HEATR5A: variants seen among roughly 807,000 people sequenced by gnomAD.
HEATR5A encodes the protein HEAT repeat containing 5A, also known as HEAT repeat-containing protein 5A.
A neutral mutation model predicts 218.8 loss-of-function variants in HEATR5A; 178 were observed. The ratio of observed to expected loss-of-function variants is 0.81; its 90% CI spans 0.72 to 0.92. The LOEUF (loss-of-function observed/expected upper bound fraction) is 0.92. Among genes scored for constraint, HEATR5A ranks in the 40% least tolerant of loss-of-function variants. The pLI, the probability that HEATR5A is intolerant of heterozygous loss-of-function variation, is 0.00. For missense variants in HEATR5A, 2,420 were observed against 2,418.9 expected (o/e 1.00, Z -0.01); for synonymous variants, 864 against 871.6 (o/e 0.99, Z 0.15).
intron 13 of HEATR5A, among the ~76,000 whole-genome samples, chr14:31,365,749 C>T (rs530493317): frequency 1.3e-5 from 2 of 151,972 alleles, no homozygotes; most frequent in Non-Finnish European, 2.9e-5. Flanking sequence ...ACTGCAGCCT[C>T]AATCTCCTGG....
chr14:31,323,721 G>A lies in HEATR5A; in HGVS notation c.3631C>T (p.Arg1211Cys), dbSNP rs377035891. The change falls in exon 24 of 36, where the codon CGT becomes TGT. Residue 1211 changes from arginine to cysteine, a missense_variant. Arg to Cys is a radical substitution (Grantham distance 180). Coordinates refer to ENST00000543095, the MANE Select transcript of HEATR5A (RefSeq NM_015473.4). Reference protein sequence around the residue: ...GDDASVLTTRRDEKSHPFTNP... With the variant: ...GDDASVLTTRCDEKSHPFTNP... ...GTAAAAGGATGGGATTTTTCATCACGTCTGGTGGTCAGGACTGAGGCATCA... is the reference window on the plus strand; with the variant it reads ...GTAAAAGGATGGGATTTTTCATCACATCTGGTGGTCAGGACTGAGGCATCA... 3.1e-5 allele frequency: 50 copies of A among 1,613,410 alleles called. No homozygotes were observed. The African/African-American group carries it at 3.7e-4, about 12-fold the overall frequency.
chr14:31,328,202 C>T lies in HEATR5A; in HGVS notation c.3368-1860G>A, dbSNP rs145809392. Reference sequence around the variant, plus strand: ...CTCCTGACCTCAGATCCACCCGCCTCAGCCTCCCAAAGTGTTGGGATTGTA... The same window carrying T: ...CTCCTGACCTCAGATCCACCCGCCTTAGCCTCCCAAAGTGTTGGGATTGTA... On this transcript the variant is annotated intron_variant, in intron 22 of 35. Coordinates refer to ENST00000543095, the MANE Select transcript of HEATR5A (RefSeq NM_015473.4). 4.0e-3 allele frequency among the ~76,000 whole-genome samples: 603 copies of T among 152,216 alleles called. 5 individuals carry two copies. Among genetic ancestry groups the T allele is most frequent in the African/African-American group, 0.014 (581 of 41,534 alleles).
In HEATR5A at chr14:31,293,627, A is replaced by AATAAT; in HGVS notation, c.5834-20_5834-16dup. 6.3e-7 allele frequency: 1 copy of AATAAT among 1,580,546 alleles called. No homozygotes were observed. The highest frequency in any genetic ancestry group is 8.6e-7 in the Non-Finnish European group (1 of 1,167,414). ...CAGCTGAGCGCCTAGAAAGTAAACAAATAATATAAGTTCAGTGACATAAAT... is the reference window on the plus strand; with the variant it reads ...CAGCTGAGCGCCTAGAAAGTAAACAAATAATATAATATAAGTTCAGTGACATAAAT... On this transcript the variant is annotated splice_polypyrimidine_tract_variant and intron_variant, in intron 35 of 35. Coordinates refer to ENST00000543095, the MANE Select transcript of HEATR5A (RefSeq NM_015473.4).
At chr14:31,385,127 AT>A (rs2030162079) in intron 9 of HEATR5A, among the ~76,000 whole-genome samples, 1 of 152,158 alleles carries the variant, frequency 6.6e-6, no homozygotes, top group South Asian at 2.1e-4. Flanking sequence ...GATAAAAGCC[AT>A]AATGATATAT....
At position 31,326,807 on chromosome 14, in the gene HEATR5A, T is replaced by C. The variant is rs143641555; in HGVS notation, c.3368-465A>G. On this transcript the variant is annotated intron_variant, in intron 22 of 35. Coordinates refer to ENST00000543095, the MANE Select transcript of HEATR5A (RefSeq NM_015473.4). ...ACAGGCACCCGCCACCACGCCCAGC[T>C]AATTTTTTTTTATTTTTAGTAGAGA... is the stretch of plus-strand genomic sequence containing the variant. 9.9e-3 allele frequency among the ~76,000 whole-genome samples: 1,499 copies of C among 151,922 alleles called. 18 individuals are homozygous for C. Among genetic ancestry groups the C allele is most frequent in the African/African-American group, 0.034 (1,423 of 41,416 alleles).
intron 21 of HEATR5A, among the ~76,000 whole-genome samples, chr14:31,340,980 A>C (rs1372945767): frequency 2.0e-5 from 3 of 152,244 alleles, no homozygotes; most frequent in African/African-American, 4.8e-5. Context: ...AAGAGCATGC[A>C]GTTAAAGGAA....
chr14:31,383,862 A>C, intron 9 of HEATR5A, 91 bp from the exon 10 acceptor site: 1 of 949,182 alleles, frequency 1.1e-6, no homozygotes, highest in South Asian at 2.0e-5. Context: ...ACATGGATAT[A>C]AAATATATTT....
intron 22 of HEATR5A, among the ~76,000 whole-genome samples, chr14:31,330,555 G>A (rs1332885594): frequency 6.6e-6 from 1 of 152,046 alleles, no homozygotes; most frequent in African/African-American, 2.4e-5. Context: ...TTGGGAGGCC[G>A]AGGTGGGTGG....
chr14:31,319,452 C>T (rs1289039879), intron 25 of HEATR5A, among the ~76,000 whole-genome samples: 1 of 152,166 alleles, frequency 6.6e-6, no homozygotes, highest in African/African-American at 2.4e-5. Flanking sequence ...CGCGCCCGGC[C>T]TCTAATATGA....
At chr14:31,374,992 T>C in intron 11 of HEATR5A, 24 bp from the exon 12 acceptor site, 1 of 1,573,044 alleles carries the variant, frequency 6.4e-7, no homozygotes, top group Non-Finnish European at 8.6e-7. Flanking sequence ...AACTTGTCAC[T>C]TGTAAGAGAA....
Position 31,323,718 on chromosome 14 carries a change from C to G in HEATR5A, c.3634G>C (p.Asp1212His). ...TTGGTAAAAGGATGGGATTTTTCAT[C>G]ACGTCTGGTGGTCAGGACTGAGGCA... ...DDASVLTTRR[D>H]EKSHPFTNPR... The change falls in exon 24 of 36, where the codon GAT (aspartate) becomes CAT (histidine). Residue 1212 changes from aspartate (D) to histidine (H), a missense_variant. Coordinates refer to ENST00000543095, the MANE Select transcript of HEATR5A (RefSeq NM_015473.4). 1 of 1,613,676 alleles carries G rather than the reference C, an allele frequency of 6.2e-7. No homozygotes were observed. Among genetic ancestry groups the G allele is most frequent in the Non-Finnish European group, 8.5e-7 (1 of 1,179,722 alleles).
intron 14 of HEATR5A, among the ~76,000 whole-genome samples, chr14:31,362,112 G>A (rs928823101): frequency 5.3e-5 from 8 of 152,032 alleles, no homozygotes; most frequent in Non-Finnish European, 1.2e-4. Context: ...CTACAGGCAT[G>A]TGCCACCATG....
At chr14:31,346,750 G>C (rs1901035499) in intron 19 of HEATR5A, among the ~76,000 whole-genome samples, 1 of 152,144 alleles carries the variant, frequency 6.6e-6, no homozygotes, top group South Asian at 2.1e-4. Flanking sequence ...CTTATATCTA[G>C]AGAGAGTTCG....
chr14:31,352,705 C>T (rs939933851), intron 16 of HEATR5A, among the ~76,000 whole-genome samples: 1 of 152,160 alleles, frequency 6.6e-6, no homozygotes, highest in Non-Finnish European at 1.5e-5. Context: ...CACCTACAAT[C>T]CCAGCACTTT....
intron 22 of HEATR5A, among the ~76,000 whole-genome samples, chr14:31,331,468 A>C (rs1391203288): frequency 6.6e-6 from 1 of 152,122 alleles, no homozygotes; most frequent in Admixed American, 6.6e-5. Context: ...CCATTCAACA[A>C]GTCTCTAGAA....
At chr14:31,305,555 G>A (rs762269117) in intron 31 of HEATR5A, among the ~76,000 whole-genome samples, 1 of 152,154 alleles carries the variant, frequency 6.6e-6, no homozygotes, top group Non-Finnish European at 1.5e-5. Flanking sequence ...GAGCCACTGC[G>A]CCCGGCCAGG....
Position 31,295,877 on chromosome 14 carries a change from T to C in HEATR5A, c.5619+32A>G, listed in dbSNP as rs1899173905. 2.5e-6 allele frequency: 4 copies of C among 1,598,172 alleles called. No homozygotes were observed. The African/African-American group carries it at 4.0e-5, about 16-fold the overall frequency. ...TTCTAAAGGCCTAGCCATTGTCCTA[T>C]TACATACATCTTTCTGCTAAAAGAC... On this transcript the variant is annotated intron_variant, in intron 34 of 35. Transcript: ENST00000543095.
At chr14:31,335,315 G>A (rs1900616430) in intron 22 of HEATR5A, among the ~76,000 whole-genome samples, 1 of 152,046 alleles carries the variant, frequency 6.6e-6, no homozygotes. Context: ...TAGCAGCCCA[G>A]CCATGCTGAT....
intron 9 of HEATR5A, among the ~76,000 whole-genome samples, chr14:31,384,254 G>A (rs941150311): frequency 2.0e-5 from 3 of 152,020 alleles, no homozygotes; most frequent in Non-Finnish European, 4.4e-5. Flanking sequence ...ACCAGTCTGG[G>A]CAACATGACA....
Sources: gnomAD v4.1 joint callset for allele counts (sites outside exome capture counted in the v4.1 genomes callset) on GRCh38, gnomAD v4.1.1 for gene constraint, MANE v1.5 for transcripts, NCBI Gene and HGNC (gene_info 2026-07-23, HGNC 2026-07-21) for gene names.